Variants in SHROOM4 observed in about 807,000 individuals in gnomAD.
SHROOM4 encodes protein Shroom4.
A neutral mutation model predicts 80.3 loss-of-function variants in SHROOM4; 17 were observed. The observed-to-expected ratio is 0.21, with a 90% CI of 0.14 to 0.32. The LOEUF is 0.32. Among genes scored for constraint, SHROOM4 ranks in the 10% least tolerant of loss-of-function variants. The probability of loss-of-function intolerance (pLI) is 1.00; values close to 1 mark genes in which losing one functional copy is unlikely to be tolerated. For synonymous variants in SHROOM4, 400 were observed against 437.5 expected (o/e 0.91, Z 1.07); for missense variants, 993 against 1,140.3 (o/e 0.87, Z 1.86).
intron 2 of SHROOM4, among the ~76,000 whole-genome samples, chrX:50,675,746 G>A (rs1375876008): frequency 9.0e-6 from 1 of 111,204 alleles, no homozygotes; most frequent in Non-Finnish European, 1.9e-5. Flanking sequence ...GAGAAGCTGG[G>A]TGTCTGAGAG....
chrX:50,731,639 G>A (rs782727696), intron 1 of SHROOM4, among the ~76,000 whole-genome samples: 9 of 111,488 alleles, frequency 8.1e-5, no homozygotes, highest in Admixed American at 1.9e-4. Context: ...AGGACCTCAG[G>A]CTAGTGACAC....
At chrX:50,635,952 A>T (rs1310191745) in intron 3 of SHROOM4, among the ~76,000 whole-genome samples, 1 of 111,154 alleles carries the variant, frequency 9.0e-6, no homozygotes, top group African/African-American at 3.3e-5. Context: ...CCCTGACATT[A>T]GCAAGTCTGA....
chrX:50,710,581 C>T (rs1418891307), intron 1 of SHROOM4, among the ~76,000 whole-genome samples: 1 of 111,220 alleles, frequency 9.0e-6, no homozygotes, highest in African/African-American at 3.3e-5. Context: ...ACCTAGGTGA[C>T]GGGATCAATT....
At chrX:50,658,218 G>A (rs1557259632) in intron 2 of SHROOM4, among the ~76,000 whole-genome samples, 1 of 111,350 alleles carries the variant, frequency 9.0e-6, no homozygotes, top group African/African-American at 3.3e-5. Context: ...CCCACTCTAA[G>A]GTATTTTGTT....
chrX:50,755,257 G>A (rs782347190), intron 1 of SHROOM4, among the ~76,000 whole-genome samples: 2 of 111,874 alleles, frequency 1.8e-5, no homozygotes, highest in Non-Finnish European at 3.8e-5. Flanking sequence ...GAGTATATCC[G>A]CTATAGAAAC....
At chrX:50,640,046 G>A (rs1182503587) in intron 2 of SHROOM4, among the ~76,000 whole-genome samples, 1 of 111,355 alleles carries the variant, frequency 9.0e-6, no homozygotes, top group Non-Finnish European at 1.9e-5. Flanking sequence ...TGGGGGCTAT[G>A]CTTGCTCTGG....
intron 2 of SHROOM4, among the ~76,000 whole-genome samples, chrX:50,654,492 TTAAA>T (rs1326957818): frequency 8.9e-6 from 1 of 111,924 alleles, no homozygotes; most frequent in Non-Finnish European, 1.9e-5. Flanking sequence ...TGTGAAATGA[TTAAA>T]TAAAGCTAAT....
chrX:50,599,599 A>G (rs1929298434), intron 7 of SHROOM4, among the ~76,000 whole-genome samples: 1 of 111,852 alleles, frequency 8.9e-6, no homozygotes, highest in Non-Finnish European at 1.9e-5. Context: ...TTGCCATTCT[A>G]ATGTCCCTCC....
At chrX:50,651,679 C>T (rs1319162416) in intron 2 of SHROOM4, among the ~76,000 whole-genome samples, 2 of 111,459 alleles carry the variant, frequency 1.8e-5, no homozygotes, top group Non-Finnish European at 3.8e-5. Context: ...GTTTGATGCA[C>T]CCATCAACCC....
chrX:50,581,272 G>T, the SHROOM4 span, among the ~76,000 whole-genome samples: 1 of 112,014 alleles, frequency 8.9e-6, no homozygotes, highest in Non-Finnish European at 1.9e-5. Context: ...TAATAAATTT[G>T]TTATGATTAA....
rs1271216109 is a variant in SHROOM4 at position 50,588,092 on chromosome X, A to C, written c.*8603T>G. Among the ~76,000 whole-genome samples the C allele has an allele frequency of 1.8e-5, 2 of 111,371 alleles. No homozygotes were observed. The highest frequency in any genetic ancestry group is 1.9e-4 in the Admixed American group (2 of 10,493). On this transcript the variant is annotated 3_prime_UTR_variant, in exon 9 of 9. Transcript: ENST00000376020. ...AAACAGTTCCTTCTCTATTGTTCTG[A>C]AGGGGGTGTTTTCTTGGGAGTATAG...
rs1930850483 is a variant in SHROOM4 at position 50,627,495 on chromosome X, C to T, written c.2957+119G>A. The T allele has an allele frequency of 1.1e-5, 7 of 632,978 alleles. No homozygotes were observed. In the South Asian group the frequency reaches 1.4e-4, roughly 12 times the overall value. The allele number at this position is 632,978 out of a possible 1,213,427, so 52.2% of individuals were successfully genotyped here. ...TGAATTATATCTATGGTATCAAGCC[C>T]TTAGTCTAGATACCAGGCCAGTTTC... On this transcript the variant is annotated intron_variant, in intron 5 of 8. Coordinates refer to ENST00000376020, the MANE Select transcript of SHROOM4 (RefSeq NM_020717.5).
intron 1 of SHROOM4, among the ~76,000 whole-genome samples, chrX:50,794,624 T>C (rs782461589): frequency 4.6e-4 from 33 of 72,091 alleles, no homozygotes; most frequent in Non-Finnish European, 6.2e-4. Flanking sequence ...ATTCTCTCTC[T>C]GACACACACA....
At chrX:50,640,121 G>A (rs1299799203) in intron 2 of SHROOM4, among the ~76,000 whole-genome samples, 13 of 111,714 alleles carry the variant, frequency 1.2e-4, no homozygotes, top group African/African-American at 3.9e-4. Context: ...GTAGTTATCC[G>A]GTCAACAACT....
At chrX:50,789,067 G>A (rs1935806059) in intron 1 of SHROOM4, among the ~76,000 whole-genome samples, 1 of 111,631 alleles carries the variant, frequency 9.0e-6, no homozygotes, top group Non-Finnish European at 1.9e-5. Flanking sequence ...ATAATAGTAG[G>A]AGACTTCAAT....
chrX:50,767,426 T>C (rs933191836), intron 1 of SHROOM4, among the ~76,000 whole-genome samples: 2 of 110,923 alleles, frequency 1.8e-5, no homozygotes, highest in Non-Finnish European at 3.8e-5. Context: ...ACTGTGTCTA[T>C]TTCTAGAGTA....
chrX:50,663,800 C>G (rs1022711305), intron 2 of SHROOM4, among the ~76,000 whole-genome samples: 6 of 111,543 alleles, frequency 5.4e-5, no homozygotes, highest in Non-Finnish European at 1.1e-4. Flanking sequence ...GCTGGCATCA[C>G]TCATTTTGAT....
chrX:50,791,676 A>G (rs782144076), intron 1 of SHROOM4, among the ~76,000 whole-genome samples: 1 of 99,087 alleles, frequency 1.0e-5, no homozygotes, highest in South Asian at 5.0e-4. Flanking sequence ...CTCTTGCCTC[A>G]ATCTCCAAAA....
intron 5 of SHROOM4, among the ~76,000 whole-genome samples, chrX:50,623,935 T>C (rs1448847884): frequency 9.0e-5 from 9 of 100,449 alleles, no homozygotes; most frequent in Non-Finnish European, 1.6e-4. Flanking sequence ...ATTGTGCGAT[T>C]AGAGTCATAT....
Sources: gnomAD v4.1 joint callset for allele counts (sites outside exome capture counted in the v4.1 genomes callset) on GRCh38, gnomAD v4.1.1 for gene constraint, MANE v1.5 for transcripts, NCBI Gene and HGNC (gene_info 2026-07-23, HGNC 2026-07-21) for gene names.